The following GLI2 variants were observed in gnomAD, a reference collection of about 807,000 sequenced individuals.
The protein encoded by GLI2 is transcription activator GLI2.
In GLI2, 22 loss-of-function variants were observed where a neutral mutation model predicts 78.9. That is an observed-to-expected ratio of 0.28 (90% CI 0.20 to 0.40). The LOEUF (loss-of-function observed/expected upper bound fraction) is 0.40. Ranked by LOEUF, GLI2 falls within the 10% of genes least tolerant of loss-of-function variation. GLI2 has a pLI of 1.00. For synonymous variants in GLI2, 974 were observed against 963.7 expected, an observed-to-expected ratio of 1.01 and a Z score of -0.20; for missense variants, 2,097 against 2,213.2, an observed-to-expected ratio of 0.95 and a Z score of 1.05.
chr2:120,795,767 C>T (rs574862296), intron 1 of GLI2, among the ~76,000 whole-genome samples: 90 of 151,908 alleles, frequency 5.9e-4, no homozygotes, highest in African/African-American at 2.1e-3. Flanking sequence ...AACATGTGAC[C>T]GGCCAGGTGC....
chr2:120,773,737 G>A (rs1683591679), intron 1 of GLI2, among the ~76,000 whole-genome samples: 1 of 152,130 alleles, frequency 6.6e-6, no homozygotes. Context: ...AGGCAGCACG[G>A]CCTTGGGGCT....
intron 9 of GLI2, among the ~76,000 whole-genome samples, chr2:120,978,125 T>G (rs1682545598): frequency 6.6e-6 from 1 of 152,088 alleles, no homozygotes; most frequent in African/African-American, 2.4e-5. Flanking sequence ...GAGGACTGAT[T>G]GGAAAATGCA....
intron 3 of GLI2, among the ~76,000 whole-genome samples, chr2:120,950,980 C>T (rs1160637099): frequency 6.6e-6 from 1 of 152,240 alleles, no homozygotes; most frequent in Non-Finnish European, 1.5e-5. Context: ...GTCGCGGGTG[C>T]GAGGTCCATT....
Position 120,956,704 on chromosome 2 carries a change from C to T in GLI2, c.643+1274C>T, listed in dbSNP as rs115378534. ...GGCGTTTTCACTCCCTGATAGCCCA[C>T]GGCAGGGAGACAGGAGCCTGCAGGG... is the stretch of plus-strand genomic sequence containing the variant. On this transcript the variant is annotated intron_variant, in intron 5 of 13. Coordinates refer to ENST00000361492, the MANE Select transcript of GLI2 (RefSeq NM_001374353.1). Among the ~76,000 whole-genome samples the T allele has an allele frequency of 4.5e-3, 678 of 152,198 alleles. 1 individual carries two copies. Among genetic ancestry groups the T allele is most frequent in the African/African-American group, 0.015 (630 of 41,544 alleles).
chr2:120,792,091 GA>G (rs1684177765), intron 1 of GLI2, among the ~76,000 whole-genome samples: 1 of 152,204 alleles, frequency 6.6e-6, no homozygotes, highest in Admixed American at 6.5e-5. Context: ...TTTGCCTGGG[GA>G]ACAATGCTCT....
At chr2:120,758,516 A>G (rs1029820100) in intron 1 of GLI2, among the ~76,000 whole-genome samples, 1 of 152,194 alleles carries the variant, frequency 6.6e-6, no homozygotes, top group African/African-American at 2.4e-5. Context: ...GGGCCTAGGC[A>G]CAGATGTTCA....
At chr2:120,977,851 G>A (rs1682530804) in intron 9 of GLI2, among the ~76,000 whole-genome samples, 4 of 152,208 alleles carry the variant, frequency 2.6e-5, no homozygotes, top group African/African-American at 9.7e-5. Flanking sequence ...GTGCCTTTGT[G>A]GAAAGGGGAC....
intron 5 of GLI2, among the ~76,000 whole-genome samples, chr2:120,960,231 T>C (rs756171675): frequency 6.6e-6 from 1 of 152,208 alleles, no homozygotes; most frequent in Non-Finnish European, 1.5e-5. Context: ...CAAGAATGCC[T>C]GTCCCGACCT....
chr2:120,762,663 G>T (rs1683248993), intron 1 of GLI2, among the ~76,000 whole-genome samples: 1 of 152,098 alleles, frequency 6.6e-6, no homozygotes, highest in Non-Finnish European at 1.5e-5. Context: ...CGAGAGCGTC[G>T]AGGGCCTGCA....
chr2:120,991,264 G>A lies in GLI2; in HGVS notation c.*589G>A, dbSNP rs1683284506. 2 of 152,936 alleles carry A rather than the reference G, an allele frequency of 1.3e-5. No homozygotes were observed. Among genetic ancestry groups the A allele is most frequent in the Admixed American group, 1.3e-4 (2 of 15,398 alleles). The allele number at this position is 152,936 out of a possible 1,614,324, so 9.5% of individuals were successfully genotyped here. On this transcript the variant is annotated 3_prime_UTR_variant, in exon 14 of 14. Transcript: ENST00000361492. Reference sequence around the variant, plus strand: ...GCACATTCTGATTCCAGGTTTGGTAGAGCTGGCTCTTCTACTCCGTAAAGC... The same window carrying A: ...GCACATTCTGATTCCAGGTTTGGTAAAGCTGGCTCTTCTACTCCGTAAAGC...
rs1249209878 is a variant in GLI2, at chr2:120,737,437, T to C, written c.-31+1152T>C. Among the ~76,000 whole-genome samples the C allele has an allele frequency of 2.6e-5, 4 of 152,142 alleles. No homozygotes were observed. Among genetic ancestry groups the C allele is most frequent in the Admixed American group, 6.5e-5 (1 of 15,278 alleles). On this transcript the variant is annotated intron_variant, in intron 1 of 13. Transcript: ENST00000361492. The surrounding 1 kb of genome is among the most constrained non-coding windows in gnomAD (Gnocchi z 4.3). Reference sequence around the variant, plus strand: ...CCCCCCCGAGGGTGCCTCTTTCCACTACCTTCTCTTTTGTGTAATTGTTCT... The same window carrying C: ...CCCCCCCGAGGGTGCCTCTTTCCACCACCTTCTCTTTTGTGTAATTGTTCT...
chr2:120,822,894 G>A (rs1295187353), intron 2 of GLI2, among the ~76,000 whole-genome samples: 1 of 152,140 alleles, frequency 6.6e-6, no homozygotes. Flanking sequence ...CCCATCTTCT[G>A]CCCCTTACCC....
rs1573748255 is a variant in GLI2 at position 120,992,051 on chromosome 2, C to CACACACACACACA, written c.*1376_*1377insACACACACACACA. On this transcript the variant is annotated 3_prime_UTR_variant, in exon 14 of 14. Coordinates refer to ENST00000361492, the MANE Select transcript of GLI2 (RefSeq NM_001374353.1). Reference sequence around the variant, plus strand: ...ACACACACACACACACACACACACACCCCAAACCTTTTCATGGGGAATGTG... The same window carrying CACACACACACACA: ...ACACACACACACACACACACACACACACACACACACACACCCAAACCTTTTCATGGGGAATGTG... The CACACACACACACA allele has an allele frequency of 7.4e-6, 1 of 134,646 alleles. No individual in the cohort carries two copies. Among genetic ancestry groups the CACACACACACACA allele is most frequent in the East Asian group, 2.0e-4 (1 of 5,104 alleles). The allele number at this position is 134,646 out of a possible 1,614,324, so 8.3% of individuals were successfully genotyped here.
Position 120,986,628 on chromosome 2 carries a change from T to C in GLI2, c.2242+14T>C, listed in dbSNP as rs770652888. On this transcript the variant is annotated intron_variant, in intron 13 of 13. Transcript: ENST00000361492. The stretch of plus-strand genomic sequence containing the variant: ...TCCCGGGAAGTGGTGAGTAAAGGCC[T>C]GGGGTTTGCAGATGGGGCAGAAGAG... The C allele has an allele frequency of 1.2e-5, 19 of 1,610,886 alleles. No homozygotes were observed. The South Asian group carries it at 2.0e-4, about 17-fold the overall frequency.
At chr2:120,816,490 C>T (rs1479752178) in intron 2 of GLI2, among the ~76,000 whole-genome samples, 1 of 151,704 alleles carries the variant, frequency 6.6e-6, no homozygotes, top group African/African-American at 2.4e-5. Flanking sequence ...CCACGGCGCC[C>T]GGCCCCAAAG....
intron 2 of GLI2, among the ~76,000 whole-genome samples, chr2:120,864,512 C>T (rs1398866407): frequency 1.3e-5 from 2 of 152,144 alleles, no homozygotes; most frequent in African/African-American, 4.8e-5. Flanking sequence ...CTGTCTGTCG[C>T]CCAGGCTGGA....
At chr2:120,853,615 C>A (rs1338208433) in intron 2 of GLI2, among the ~76,000 whole-genome samples, 1 of 152,118 alleles carries the variant, frequency 6.6e-6, no homozygotes, top group East Asian at 1.9e-4. Flanking sequence ...AGAGTGAAAC[C>A]CAAAAGATGA....
chr2:120,891,685 C>G (rs1295149197), intron 2 of GLI2, among the ~76,000 whole-genome samples: 2 of 152,114 alleles, frequency 1.3e-5, no homozygotes, highest in African/African-American at 2.4e-5. Context: ...TCTGGGGAGC[C>G]GGCTATGCTC....
chr2:120,737,556 C>G lies in GLI2; in HGVS notation c.-31+1271C>G, dbSNP rs181428789. 3.1e-3 allele frequency among the ~76,000 whole-genome samples: 470 copies of G among 152,344 alleles called. 1 individual carries two copies. Among genetic ancestry groups the G allele is most frequent in the African/African-American group, 0.01 (436 of 41,578 alleles). ...AGTCTTGTAGGCGTCCCTCTGTCCC[C>G]CAGCCCGGGCATCCCGCTCGGTGCG... On this transcript the variant is annotated intron_variant, in intron 1 of 13. Coordinates refer to ENST00000361492, the MANE Select transcript of GLI2 (RefSeq NM_001374353.1). The surrounding 1 kb of genome is among the most constrained non-coding windows in gnomAD (Gnocchi z 4.3).
Sources: gnomAD v4.1 joint callset for allele counts (sites outside exome capture counted in the v4.1 genomes callset) on GRCh38, gnomAD v4.1.1 for gene constraint, Gnocchi (gnomAD v3.1) non-coding constraint, MANE v1.5 for transcripts, NCBI Gene and HGNC (gene_info 2026-07-23, HGNC 2026-07-21) for gene names.